Variants in DCDC1 observed in about 807,000 individuals in gnomAD.
DCDC1 encodes doublecortin domain containing 1.
In DCDC1, 200 loss-of-function variants were observed where a neutral mutation model predicts 178.3. That is an observed-to-expected ratio of 1.12 (90% confidence interval 1.00 to 1.26). DCDC1 has a LOEUF of 1.26. Among genes scored for constraint, DCDC1 ranks in the 50% most tolerant of loss-of-function variants. DCDC1 has a pLI of 0.00. For missense variants in DCDC1, 1,983 were observed against 1,749.2 expected, an observed-to-expected ratio of 1.13 and a Z score of -2.38; for synonymous variants, 690 against 604.8, an observed-to-expected ratio of 1.14 and a Z score of -2.07.
intron 9 of DCDC1, among the ~76,000 whole-genome samples, chr11:31,202,983 G>A (rs954241148): frequency 9.2e-5 from 14 of 152,168 alleles, no homozygotes; most frequent in African/African-American, 3.1e-4. Flanking sequence ...TGCATTAAAA[G>A]GCTGGGTTCT....
At chr11:31,298,561 A>T (rs995898265) in intron 6 of DCDC1, among the ~76,000 whole-genome samples, 2 of 152,202 alleles carry the variant, frequency 1.3e-5, no homozygotes, top group African/African-American at 4.8e-5. Context: ...GCACTCAGAG[A>T]AACTTATGTT....
chr11:31,013,651 T>C (rs1371933956), intron 20 of DCDC1, among the ~76,000 whole-genome samples: 1 of 152,124 alleles, frequency 6.6e-6, no homozygotes. Context: ...GTCAATATGG[T>C]TTTAAAACTG....
chr11:31,213,899 T>A (rs1356270572), intron 9 of DCDC1, among the ~76,000 whole-genome samples: 3 of 152,028 alleles, frequency 2.0e-5, no homozygotes, highest in Non-Finnish European at 2.9e-5. Flanking sequence ...TATTGTTGAG[T>A]GTGTACACAT....
chr11:31,186,407 C>T (rs1969494940), intron 9 of DCDC1, among the ~76,000 whole-genome samples: 1 of 152,226 alleles, frequency 6.6e-6, no homozygotes, highest in Non-Finnish European at 1.5e-5. Flanking sequence ...GCCACTCACC[C>T]ACTGTATAAC....
intron 6 of DCDC1, among the ~76,000 whole-genome samples, chr11:31,295,359 A>G (rs905812350): frequency 6.6e-6 from 1 of 152,154 alleles, no homozygotes; most frequent in Non-Finnish European, 1.5e-5. Context: ...TGCATAGTGT[A>G]GTAGACACTG....
At chr11:31,097,558 T>C (rs1277493894) in intron 15 of DCDC1, among the ~76,000 whole-genome samples, 1 of 152,214 alleles carries the variant, frequency 6.6e-6, no homozygotes, top group Non-Finnish European at 1.5e-5. Context: ...GCTCTAACTT[T>C]ATAGCTGACC....
chr11:30,900,547 A>C (rs1944585261), intron 32 of DCDC1, 49 bp from the exon 33 acceptor site: 1 of 1,366,050 alleles, frequency 7.3e-7, no homozygotes, highest in African/African-American at 1.5e-5. Flanking sequence ...ATAATGAATA[A>C]ATTTGTTTTC....
Position 31,360,504 on chromosome 11 carries a change from A to T in DCDC1, c.-125+9193T>A, listed in dbSNP as rs1160872464. 4.6e-5 allele frequency among the ~76,000 whole-genome samples: 7 copies of T among 152,330 alleles called. No individual in the cohort carries two copies. In the East Asian group the frequency reaches 1.3e-3, roughly 29 times the overall value. ...ACATATGATAAAGTTTAACTTATAA[A>T]TTAGCCACAGTAAGAGATTAACAGC... is the stretch of plus-strand genomic sequence containing the variant. On this transcript the variant is annotated intron_variant, in intron 1 of 38. Transcript: ENST00000684477.
At chr11:31,004,892 A>T (rs1479130583) in intron 20 of DCDC1, among the ~76,000 whole-genome samples, 1 of 152,132 alleles carries the variant, frequency 6.6e-6, no homozygotes, top group South Asian at 2.1e-4. Flanking sequence ...TCTAAGTGTT[A>T]GAAGAACATT....
rs1390018802 is a variant in DCDC1 at position 30,873,360 on chromosome 11, TATATAG to T, written c.*40+5178_*40+5183del. 3.0e-3 allele frequency among the ~76,000 whole-genome samples: 416 copies of T among 138,656 alleles called. 1 individual carries two copies. The highest frequency in any genetic ancestry group is 0.011 in the African/African-American group (394 of 36,584). 91.0% of individuals were successfully genotyped at this position (138,656 alleles called of 152,430 possible). ...GTGTATATACATATATATATATATA[TATATAG>T]AGAGAGAGAGAGAGAGAGAGAACAA... On this transcript the variant is annotated intron_variant, in intron 38 of 38. Coordinates refer to ENST00000684477, the MANE Select transcript of DCDC1 (RefSeq NM_001387274.1).
intron 36 of DCDC1, among the ~76,000 whole-genome samples, chr11:30,888,625 G>A (rs1943518487): frequency 6.6e-6 from 1 of 152,180 alleles, no homozygotes; most frequent in Non-Finnish European, 1.5e-5. Flanking sequence ...GCTGAGGCAG[G>A]AGAATCGCTT....
At chr11:30,871,609 C>T (rs1166155014) in intron 38 of DCDC1, among the ~76,000 whole-genome samples, 12 of 152,018 alleles carry the variant, frequency 7.9e-5, no homozygotes, top group Non-Finnish European at 4.4e-5. Context: ...TGATATTATT[C>T]CAGCTTGATA....
At chr11:30,991,481 C>T (rs1288542623) in intron 20 of DCDC1, among the ~76,000 whole-genome samples, 2 of 152,046 alleles carry the variant, frequency 1.3e-5, no homozygotes, top group Admixed American at 1.3e-4. Flanking sequence ...TCTTAAGTAA[C>T]ATAAAAGAAA....
intron 9 of DCDC1, among the ~76,000 whole-genome samples, chr11:31,172,049 T>C (rs539646175): frequency 6.6e-6 from 1 of 152,146 alleles, no homozygotes; most frequent in Admixed American, 6.6e-5. Flanking sequence ...AAACAAGTGA[T>C]TGAATGAAAA....
chr11:31,253,612 G>C (rs1004783080), intron 8 of DCDC1, among the ~76,000 whole-genome samples: 6 of 152,054 alleles, frequency 3.9e-5, no homozygotes, highest in Non-Finnish European at 8.8e-5. Context: ...AGATAAAGTA[G>C]GATTTAAATA....
At chr11:31,058,560 G>A (rs1256208441) in intron 20 of DCDC1, among the ~76,000 whole-genome samples, 3 of 152,088 alleles carry the variant, frequency 2.0e-5, no homozygotes, top group Non-Finnish European at 4.4e-5. Context: ...AAGCCAGGGT[G>A]ACTAGAGCAG....
At chr11:31,032,103 C>G (rs1953689863) in intron 20 of DCDC1, among the ~76,000 whole-genome samples, 1 of 152,028 alleles carries the variant, frequency 6.6e-6, no homozygotes, top group African/African-American at 2.4e-5. Flanking sequence ...ATAAGTGGGG[C>G]CAAATCCCTA....
chr11:31,326,808 C>T (rs1191752550), intron 3 of DCDC1, among the ~76,000 whole-genome samples: 1 of 152,126 alleles, frequency 6.6e-6, no homozygotes, highest in African/African-American at 2.4e-5. Flanking sequence ...AGAAGATTAA[C>T]ATAATCTTTA....
intron 36 of DCDC1, among the ~76,000 whole-genome samples, 197 bp from the exon 37 acceptor site, chr11:30,881,505 C>T (rs1283027309): frequency 6.6e-6 from 1 of 152,144 alleles, no homozygotes; most frequent in Admixed American, 6.6e-5. Context: ...TGAGGAGCTT[C>T]AGGACTCTCC....
Sources: allele counts gnomAD v4.1 joint callset (sites outside exome capture counted in the v4.1 genomes callset), GRCh38; gene constraint gnomAD v4.1.1; transcripts MANE v1.5; gene names NCBI Gene and HGNC (gene_info 2026-07-23, HGNC 2026-07-21).